N4BP2L2: variants seen among roughly 807,000 people sequenced by gnomAD.
N4BP2L2 encodes the protein NEDD4 binding protein 2 like 2, also known as NEDD4-binding protein 2-like 2.
N4BP2L2 carries 50 observed loss-of-function variants against 56.2 expected under a neutral mutation model. That is an observed-to-expected ratio of 0.89 (90% CI 0.71 to 1.13). The LOEUF (loss-of-function observed/expected upper bound fraction) is 1.13, where lower values mean the gene tolerates loss of function less well. Among genes scored for constraint, N4BP2L2 ranks in the 50% most tolerant of loss-of-function variants. The pLI is 0.00. For synonymous variants in N4BP2L2, 203 were observed against 223.6 expected (o/e 0.91, Z 0.82); for missense variants, 689 against 693.8 (o/e 0.99, Z 0.08).
intron 6 of N4BP2L2, chr13:32,446,280 G>C (rs2077035089): frequency 9.2e-6 from 9 of 981,376 alleles, no homozygotes; most frequent in Non-Finnish European, 1.1e-5. Context: ...AGAAACAGTT[G>C]TGATGGGGCC....
chr13:32,503,061 G>T (rs997552386), intron 6 of N4BP2L2, among the ~76,000 whole-genome samples: 3 of 149,842 alleles, frequency 2.0e-5, no homozygotes, highest in Admixed American at 6.7e-5. Context: ...TAATCCCAGC[G>T]ACTCGGGAGG....
intron 6 of N4BP2L2, among the ~76,000 whole-genome samples, chr13:32,501,879 CCAA>C (rs1283263627): frequency 1.3e-4 from 20 of 151,486 alleles, no homozygotes; most frequent in Admixed American, 1.1e-3. Flanking sequence ...TTAGATCATA[CCAA>C]CAGTCTATGC....
At chr13:32,527,354 T>C in intron 3 of N4BP2L2, 54 bp downstream of exon 3, 1 of 1,581,664 alleles carries the variant, frequency 6.3e-7, no homozygotes. Flanking sequence ...AAAATCTAGG[T>C]CTTTTGACTC....
intron 6 of N4BP2L2, among the ~76,000 whole-genome samples, chr13:32,501,749 A>G (rs1008583806): frequency 1.2e-4 from 18 of 151,920 alleles, no homozygotes; most frequent in African/African-American, 3.9e-4. Flanking sequence ...CCGGAGGCGG[A>G]GCTTGCATTG....
intron 2 of N4BP2L2, among the ~76,000 whole-genome samples, chr13:32,529,707 T>C (rs1391763668): frequency 6.6e-6 from 1 of 151,880 alleles, no homozygotes; most frequent in Non-Finnish European, 1.5e-5. Context: ...TATTACTTTA[T>C]TAGCAGGTCA....
chr13:32,457,180 A>C (rs539040694), intron 6 of N4BP2L2, among the ~76,000 whole-genome samples: 28 of 152,290 alleles, frequency 1.8e-4, no homozygotes, highest in East Asian at 1.2e-3. Flanking sequence ...AACTAACTAA[A>C]TAAATAAATA....
At chr13:32,453,400 AG>A (rs1320483733) in intron 6 of N4BP2L2, among the ~76,000 whole-genome samples, 2 of 152,220 alleles carry the variant, frequency 1.3e-5, no homozygotes, top group Non-Finnish European at 2.9e-5. Flanking sequence ...AGACAGATCA[AG>A]GGTTTACAGC....
At chr13:32,489,260 T>C (rs2086550505) in intron 6 of N4BP2L2, among the ~76,000 whole-genome samples, 1 of 152,234 alleles carries the variant, frequency 6.6e-6, no homozygotes, top group Non-Finnish European at 1.5e-5. Flanking sequence ...CAATTTGAAC[T>C]ATAGTGTGAT....
At chr13:32,509,406 T>C (rs764752239), downstream of N4BP2L2, 1 of 152,222 alleles carries the variant, frequency 6.6e-6, no homozygotes, top group Admixed American at 6.5e-5. Flanking sequence ...CAACTTTTAT[T>C]ACAAACTGCC....
chr13:32,480,370 G>A (rs1426034120), intron 6 of N4BP2L2, among the ~76,000 whole-genome samples: 1 of 152,190 alleles, frequency 6.6e-6, no homozygotes, highest in Non-Finnish European at 1.5e-5. Context: ...ATTGTAAAGA[G>A]TGAAATCCAG....
chr13:32,435,077 A>G (rs966592315), intron 9 of N4BP2L2, among the ~76,000 whole-genome samples: 3 of 152,014 alleles, frequency 2.0e-5, no homozygotes, highest in Non-Finnish European at 4.4e-5. Context: ...CTATAATCTA[A>G]CTTCAGTCAG....
intron 6 of N4BP2L2, among the ~76,000 whole-genome samples, chr13:32,469,238 C>T (rs558912497): frequency 1.4e-4 from 21 of 152,260 alleles, no homozygotes; most frequent in African/African-American, 4.6e-4. Context: ...ACTCCCAGGT[C>T]GGCAATGTGG....
exon 7 of N4BP2L2, chr13:32,443,994 A>C (rs1456245759): frequency 6.2e-7 from 1 of 1,608,376 alleles, no homozygotes; most frequent in African/African-American, 1.3e-5. Flanking sequence ...CTCCCGGTGT[A>C]AGATCACTTA....
At chr13:32,446,511 T>TA (rs1363877921) in intron 6 of N4BP2L2, 33 of 1,304,204 alleles carry the variant, frequency 2.5e-5, no homozygotes, top group African/African-American at 6.1e-5. Flanking sequence ...AAAGAACAAA[T>TA]AGAGTTTGTT....
At chr13:32,467,820 T>C (rs1466860749) in intron 6 of N4BP2L2, among the ~76,000 whole-genome samples, 2 of 151,250 alleles carry the variant, frequency 1.3e-5, no homozygotes, top group African/African-American at 4.9e-5. Context: ...CGAAACCCCA[T>C]CTCTAATAAA....
At chr13:32,469,664 G>A (rs2081943787) in intron 6 of N4BP2L2, among the ~76,000 whole-genome samples, 1 of 152,258 alleles carries the variant, frequency 6.6e-6, no homozygotes. Context: ...CCGTCTCTGA[G>A]ACGAAGGAGC....
At position 32,532,896 on chromosome 13, in the gene N4BP2L2, T is replaced by A. The variant is rs544696717; in HGVS notation, c.1259+2873A>T. Among the ~76,000 whole-genome samples, 48 of 145,444 alleles carry A rather than the reference T, an allele frequency of 3.3e-4. 1 individual carries two copies. Among genetic ancestry groups the A allele is most frequent in the South Asian group, 8.7e-4 (4 of 4,586 alleles). ...GAGCCACCGGCACCCGGCCTTTTTTTAAAAAAAAAAAAATAGAGACAGGGT... is the reference window on the plus strand; with the variant it reads ...GAGCCACCGGCACCCGGCCTTTTTTAAAAAAAAAAAAAATAGAGACAGGGT... On this transcript the variant is annotated intron_variant, in intron 2 of 5. Coordinates refer to ENST00000267068, the Ensembl canonical transcript of N4BP2L2.
At chr13:32,476,813 A>T (rs1372437295) in intron 6 of N4BP2L2, among the ~76,000 whole-genome samples, 3 of 152,224 alleles carry the variant, frequency 2.0e-5, no homozygotes, top group African/African-American at 7.2e-5. Context: ...AGGGAATAAG[A>T]AACTCTAAAT....
At chr13:32,524,796 C>T (rs1566174795) in intron 3 of N4BP2L2, 1 of 151,870 alleles carries the variant, frequency 6.6e-6, no homozygotes, top group Non-Finnish European at 1.5e-5. Context: ...AGAATCTTGC[C>T]CTGTCACCCA....
Sources: allele counts gnomAD v4.1 joint callset (sites outside exome capture counted in the v4.1 genomes callset), GRCh38; gene constraint gnomAD v4.1.1; transcripts MANE v1.5; gene names NCBI Gene and HGNC (gene_info 2026-07-23, HGNC 2026-07-21).